The following STXBP3 variants were observed in gnomAD, a reference collection of about 807,000 sequenced individuals.
The protein encoded by STXBP3 is syntaxin binding protein 3, also known as syntaxin-binding protein 3.
STXBP3 carries 41 observed loss-of-function variants against 85.7 expected under a neutral mutation model. That is an observed-to-expected ratio of 0.48 (90% CI 0.37 to 0.62). The LOEUF (loss-of-function observed/expected upper bound fraction) is 0.62, where lower values mean the gene tolerates loss of function less well. Among genes scored for constraint, STXBP3 ranks in the 20% least tolerant of loss-of-function variants. STXBP3 has a pLI of 0.00. For missense variants in STXBP3, 563 were observed against 703.1 expected (o/e 0.80, Z 2.25); for synonymous variants, 229 against 231.7 (o/e 0.99, Z 0.10).
At chr1:108,778,713 TCAA>T (rs1662642862) in intron 8 of STXBP3, among the ~76,000 whole-genome samples, 1 of 152,184 alleles carries the variant, frequency 6.6e-6, no homozygotes, top group African/African-American at 2.4e-5. Flanking sequence ...CTTTTGGAAC[TCAA>T]TTCATAAGAA....
At chr1:108,749,689 T>C (rs986304239) in intron 1 of STXBP3, among the ~76,000 whole-genome samples, 2 of 152,228 alleles carry the variant, frequency 1.3e-5, no homozygotes, top group Non-Finnish European at 2.9e-5. Flanking sequence ...TGGGTGCCCT[T>C]ACTATCTCCA....
rs185842530 is a variant in STXBP3, at chr1:108,771,416, A to C, written c.439-1249A>C. ...ATATATGATATATATCTATATATAT[A>C]ATATATAAATATATATGATATATAT... On this transcript the variant is annotated intron_variant, in intron 6 of 18. Transcript: ENST00000370008. Among the ~76,000 whole-genome samples the C allele has an allele frequency of 6.0e-3, 445 of 74,272 alleles. 28 individuals carry two copies. The highest frequency in any genetic ancestry group is 8.6e-3 in the African/African-American group (169 of 19,740). 48.7% of individuals were successfully genotyped at this position (74,272 alleles called of 152,430 possible). A position where few individuals can be genotyped will look rare whatever the true frequency, so the allele number is the denominator to read the frequency against.
chr1:108,800,166 C>T (rs1233092496), intron 16 of STXBP3, 54 bp from the exon 17 acceptor site: 1 of 1,316,864 alleles, frequency 7.6e-7, no homozygotes, highest in Non-Finnish European at 1.1e-6. Flanking sequence ...TTATGCCAAA[C>T]AAAGTCCTGC....
chr1:108,794,202 G>T (rs1417293052), intron 12 of STXBP3, among the ~76,000 whole-genome samples: 1 of 152,136 alleles, frequency 6.6e-6, no homozygotes, highest in Non-Finnish European at 1.5e-5. Flanking sequence ...TTTCATTACT[G>T]TCAAACTCAA....
At chr1:108,766,844 G>T in intron 6 of STXBP3, 1 of 400,820 alleles carries the variant, frequency 2.5e-6, no homozygotes. Context: ...GTTGCTTTAA[G>T]AGGGCATACT....
intron 1 of STXBP3, 79 bp downstream of exon 1, chr1:108,746,865 C>T (rs6604120): frequency 0.73 from 1,053,804 of 1,434,652 alleles, 396,190 homozygotes; most frequent in Non-Finnish European, 0.78. Context: ...AGCCCCAACC[C>T]AGCGGTCTGT....
intron 6 of STXBP3, among the ~76,000 whole-genome samples, chr1:108,771,888 ATATC>A (rs1196987422): frequency 6.2e-5 from 3 of 48,056 alleles, no homozygotes; most frequent in African/African-American, 1.2e-4. Context: ...AATACATATG[ATATC>A]TATCTATATA....
At position 108,787,304 on chromosome 1, in the gene STXBP3, T is replaced by G. The variant is rs969295454; in HGVS notation, c.963+4598T>G. Among the ~76,000 whole-genome samples the G allele has an allele frequency of 2.0e-5, 3 of 152,290 alleles. No individual in the cohort carries two copies. The South Asian group carries it at 6.2e-4, about 32-fold the overall frequency. On this transcript the variant is annotated intron_variant, in intron 11 of 18. Transcript: ENST00000370008. Reference sequence around the variant, plus strand: ...TATACACAGTAATATAATCTGTGAATAAAGAAAATTTAGTGTCTTCCTTTC... The same window carrying G: ...TATACACAGTAATATAATCTGTGAAGAAAGAAAATTTAGTGTCTTCCTTTC...
At chr1:108,769,498 G>A (rs1454655821) in intron 6 of STXBP3, among the ~76,000 whole-genome samples, 1 of 152,170 alleles carries the variant, frequency 6.6e-6, no homozygotes, top group Non-Finnish European at 1.5e-5. Flanking sequence ...TTAGTAGAGA[G>A]GATACTAGAA....
At position 108,765,570 on chromosome 1, in the gene STXBP3, A is replaced by ATTTTTTTTTTTTTTTTTTTTTT. The variant is rs35813823; in HGVS notation, c.438+5486_438+5507dup. 3.0e-5 allele frequency among the ~76,000 whole-genome samples: 2 copies of ATTTTTTTTTTTTTTTTTTTTTT among 67,168 alleles called. 1 individual carries two copies. Among genetic ancestry groups the ATTTTTTTTTTTTTTTTTTTTTT allele is most frequent in the Non-Finnish European group, 6.2e-5 (2 of 32,162 alleles). The allele number at this position is 67,168 out of a possible 152,430, so 44.1% of individuals were successfully genotyped here. A position where few individuals can be genotyped will look rare whatever the true frequency, so the allele number is the denominator to read the frequency against. On this transcript the variant is annotated intron_variant, in intron 6 of 18. Transcript: ENST00000370008. The stretch of plus-strand genomic sequence containing the variant: ...TCATGGTAAAAAGCACCACATGCTA[A>ATTTTTTTTTTTTTTTTTTTTTT]TTTTTTTTTTTTTTTTTTTTTTGAG...
rs985536510 is a variant in STXBP3, at chr1:108,758,544, A to T, written c.293A>T (p.Lys98Ile). The change falls in exon 5 of 19, where the codon AAA (lysine) becomes ATA (isoleucine). Residue 98 changes from lysine to isoleucine, a missense_variant. By Grantham distance (102) the Lys-to-Ile change is moderately radical (BLOSUM62 -3). This residue lies in a region of STXBP3 where 494 missense variants were observed against 592.8 expected (regional missense o/e 0.83). Coordinates refer to ENST00000370008, the MANE Select transcript of STXBP3 (RefSeq NM_007269.4). Reference sequence around the variant, plus strand: ...TGTTTCTTACATGATTTTGCAAGTAAATCGGAGAACAAGTATAAAGCAGCA... The same window carrying T: ...TGTTTCTTACATGATTTTGCAAGTATATCGGAGAACAAGTATAAAGCAGCA... ...VDCFLHDFAS[K>I]SENKYKAAYI... is the part of the protein sequence containing the mutation. 6.5e-7 allele frequency: 1 copy of T among 1,548,140 alleles called. No homozygotes were observed. The highest frequency in any genetic ancestry group is 8.8e-7 in the Non-Finnish European group (1 of 1,142,704).
In STXBP3 at chr1:108,776,403, G is replaced by T; in HGVS notation, c.664G>T (p.Asp222Tyr). The change falls in exon 8 of 19, where the codon GAT becomes TAT. Residue 222 changes from aspartate to tyrosine, a missense_variant. Asp to Tyr is a radical substitution (Grantham distance 160, BLOSUM62 -3). Transcript: ENST00000370008. ...AAAGCTTGAAGACTACTACAAGATTGATGAAAAGAGCCTAATAAAGGTAAT... is the reference window on the plus strand; with the variant it reads ...AAAGCTTGAAGACTACTACAAGATTTATGAAAAGAGCCTAATAAAGGTAAT... Reference protein sequence around the residue: ...EKKLEDYYKIDEKSLIKGKTH... With the variant: ...EKKLEDYYKIYEKSLIKGKTH... 2 of 1,605,866 alleles carry T rather than the reference G, an allele frequency of 1.2e-6. No individual in the cohort carries two copies. The highest frequency in any genetic ancestry group is 2.2e-5 in the South Asian group (2 of 90,254).
At chr1:108,805,938 A>G (rs1212750523) in intron 17 of STXBP3, among the ~76,000 whole-genome samples, 1 of 152,206 alleles carries the variant, frequency 6.6e-6, no homozygotes, top group Non-Finnish European at 1.5e-5. Flanking sequence ...GAGATCCTAT[A>G]CTGCAAGGCA....
intron 6 of STXBP3, among the ~76,000 whole-genome samples, chr1:108,761,230 AAAT>A (rs1436323464): frequency 6.6e-6 from 1 of 152,132 alleles, no homozygotes; most frequent in African/African-American, 2.4e-5. Context: ...TGACAAAGAA[AAAT>A]AATAATCCAA....
intron 17 of STXBP3, 117 bp from the exon 18 acceptor site, chr1:108,807,284 A>C: frequency 2.9e-6 from 3 of 1,034,732 alleles, no homozygotes; most frequent in Non-Finnish European, 2.7e-6. Context: ...AAAAAAAATC[A>C]ATGTAATTGG....
At chr1:108,776,689 A>G (rs950014238) in intron 8 of STXBP3, among the ~76,000 whole-genome samples, 12 of 152,164 alleles carry the variant, frequency 7.9e-5, no homozygotes, top group Admixed American at 6.6e-4. Context: ...GTTAATGTCT[A>G]TTTGGGCAAA....
intron 18 of STXBP3, among the ~76,000 whole-genome samples, 194 bp from the exon 19 acceptor site, chr1:108,808,589 C>T (rs1288427447): frequency 6.6e-6 from 1 of 152,206 alleles, no homozygotes; most frequent in East Asian, 1.9e-4. Context: ...TGAAAAGTTA[C>T]TGAACATGCT....
Position 108,770,555 on chromosome 1 carries a change from T to G in STXBP3, c.439-2110T>G, listed in dbSNP as rs544728934. Among the ~76,000 whole-genome samples, 126 of 152,304 alleles carry G rather than the reference T, an allele frequency of 8.3e-4. 1 individual carries two copies. The highest frequency in any genetic ancestry group is 3.0e-3 in the African/African-American group (126 of 41,562). On this transcript the variant is annotated intron_variant, in intron 6 of 18. Coordinates refer to ENST00000370008, the MANE Select transcript of STXBP3 (RefSeq NM_007269.4). Reference sequence around the variant, plus strand: ...GCTAAATTTTCATCTATGTTCAGGCTGCTGCTGTTGGTGCTGGGTTATGTC... The same window carrying G: ...GCTAAATTTTCATCTATGTTCAGGCGGCTGCTGTTGGTGCTGGGTTATGTC...
chr1:108,806,389 A>C lies in STXBP3; in HGVS notation c.1536-1012A>C, dbSNP rs781642526. On this transcript the variant is annotated intron_variant, in intron 17 of 18. Coordinates refer to ENST00000370008, the MANE Select transcript of STXBP3 (RefSeq NM_007269.4). ...TAGCCTCATGTGGCTAGTGGCTACTATATGGGATTCTGGGGATCTAGAGCA... is the reference window on the plus strand; with the variant it reads ...TAGCCTCATGTGGCTAGTGGCTACTCTATGGGATTCTGGGGATCTAGAGCA... Among the ~76,000 whole-genome samples, 28 of 152,122 alleles carry C rather than the reference A, an allele frequency of 1.8e-4. 1 individual carries two copies. Among genetic ancestry groups the C allele is most frequent in the Non-Finnish European group, 3.2e-4 (22 of 67,994 alleles).
Sources: allele counts gnomAD v4.1 joint callset (sites outside exome capture counted in the v4.1 genomes callset), GRCh38; gene constraint gnomAD v4.1.1; regional missense constraint gnomAD v4.1.1; transcripts MANE v1.5; gene names NCBI Gene and HGNC (gene_info 2026-07-23, HGNC 2026-07-21).